PDGFC: variants seen among roughly 807,000 people sequenced by gnomAD.
The protein encoded by PDGFC is platelet derived growth factor C.
A neutral mutation model predicts 35.5 loss-of-function variants in PDGFC; 12 were observed. That is an observed-to-expected ratio of 0.34 (90% CI 0.22 to 0.55). The LOEUF (loss-of-function observed/expected upper bound fraction) is 0.55. Ranked by LOEUF, PDGFC falls within the 20% of genes least tolerant of loss-of-function variation. The pLI is 0.91. For synonymous variants in PDGFC, 159 were observed against 148.8 expected (o/e 1.07, Z -0.50); for missense variants, 322 against 412.4 (o/e 0.78, Z 1.90).
intron 3 of PDGFC, among the ~76,000 whole-genome samples, chr4:156,788,046 C>T (rs1731177606): frequency 1.3e-5 from 2 of 152,112 alleles, no homozygotes; most frequent in Non-Finnish European, 2.9e-5. Flanking sequence ...TAGAGAATGA[C>T]AACAGCATTT....
At chr4:156,887,957 C>T (rs1370286579) in intron 1 of PDGFC, among the ~76,000 whole-genome samples, 2 of 150,468 alleles carry the variant, frequency 1.3e-5, no homozygotes, top group Non-Finnish European at 3.0e-5. Context: ...GAGCTGAGAT[C>T]CTGCCACTGC....
chr4:156,893,327 C>T (rs555151054), intron 1 of PDGFC, among the ~76,000 whole-genome samples: 19 of 135,176 alleles, frequency 1.4e-4, no homozygotes, highest in Admixed American at 5.8e-4. Context: ...GTAAAAAATG[C>T]TCTAACTAGA....
intron 2 of PDGFC, chr4:156,842,088 T>A (rs1729218836): frequency 6.6e-6 from 1 of 152,212 alleles, no homozygotes; most frequent in Non-Finnish European, 1.5e-5. Context: ...CCATCTCTTC[T>A]ATAACAGAAT....
chr4:156,891,424 C>CACAAGATT (rs1291848551), intron 1 of PDGFC, among the ~76,000 whole-genome samples: 1 of 150,184 alleles, frequency 6.7e-6, no homozygotes, highest in Non-Finnish European at 1.5e-5. Flanking sequence ...CCTCTACACG[C>CACAAGATT]ACAAGATTTT....
rs369516564 is a variant in PDGFC at position 156,780,184 on chromosome 4, TA to T, written c.496-7292del. 6.9e-4 allele frequency among the ~76,000 whole-genome samples: 101 copies of T among 146,384 alleles called. 2 individuals are homozygous for T. The South Asian group carries it at 0.022, about 32-fold the overall frequency. On this transcript the variant is annotated intron_variant, in intron 3 of 5. Coordinates refer to ENST00000502773, the MANE Select transcript of PDGFC (RefSeq NM_016205.3). ...AAACAATGTGACAGGCCTTAAAAGC[TA>T]AAATAACGTCTATCAGTGGCAAGTG... is the stretch of plus-strand genomic sequence containing the variant.
At chr4:156,941,776 T>C (rs1731812431) in intron 1 of PDGFC, among the ~76,000 whole-genome samples, 1 of 152,118 alleles carries the variant, frequency 6.6e-6, no homozygotes, top group Non-Finnish European at 1.5e-5. Flanking sequence ...AGATACCATA[T>C]ATTCGTTGAA....
chr4:156,790,953 T>C lies in PDGFC; in HGVS notation c.496-18060A>G, dbSNP rs182352830. Among the ~76,000 whole-genome samples, 26 of 152,288 alleles carry C rather than the reference T, an allele frequency of 1.7e-4. No homozygotes were observed. The East Asian group carries it at 5.0e-3, about 29-fold the overall frequency. On this transcript the variant is annotated intron_variant, in intron 3 of 5. Coordinates refer to ENST00000502773, the MANE Select transcript of PDGFC (RefSeq NM_016205.3). The stretch of plus-strand genomic sequence containing the variant: ...TTGCATTTTACATCCTACATTGGCA[T>C]CAATTTCACATCTTGAAGGTGCCAA...
chr4:156,885,515 G>A (rs1423899640), intron 1 of PDGFC, among the ~76,000 whole-genome samples: 2 of 152,024 alleles, frequency 1.3e-5, no homozygotes, highest in African/African-American at 4.8e-5. Context: ...AAATATCAAT[G>A]TCTATAACAA....
intron 1 of PDGFC, among the ~76,000 whole-genome samples, chr4:156,925,729 G>C (rs114068952): frequency 2.8e-5 from 4 of 144,626 alleles, no homozygotes; most frequent in African/African-American, 1.0e-4. Flanking sequence ...GTGTCCTAGA[G>C]GCAGTATTAT....
chr4:156,951,038 T>C (rs1732067936), intron 1 of PDGFC, among the ~76,000 whole-genome samples: 1 of 151,884 alleles, frequency 6.6e-6, no homozygotes, highest in Non-Finnish European at 1.5e-5. Flanking sequence ...CCTCACTGTA[T>C]TTTTATCTCC....
chr4:156,935,650 T>C (rs904121852), intron 1 of PDGFC, among the ~76,000 whole-genome samples: 2 of 152,190 alleles, frequency 1.3e-5, no homozygotes, highest in African/African-American at 4.8e-5. Context: ...TTAAATAAGA[T>C]GTCTTTATAC....
chr4:156,872,079 A>G (rs960178277), intron 1 of PDGFC, among the ~76,000 whole-genome samples: 1 of 152,196 alleles, frequency 6.6e-6, no homozygotes, highest in Non-Finnish European at 1.5e-5. Context: ...ACTATACACA[A>G]TGGAAGACGA....
intron 3 of PDGFC, among the ~76,000 whole-genome samples, chr4:156,793,534 C>CAT (rs66571528): frequency 0.17 from 22,527 of 130,260 alleles, 1,775 homozygotes; most frequent in Non-Finnish European, 0.21. Context: ...GAATTATGTG[C>CAT]ATATATATAT....
At chr4:156,768,491 A>G (rs1183916232) in intron 4 of PDGFC, among the ~76,000 whole-genome samples, 1 of 152,048 alleles carries the variant, frequency 6.6e-6, no homozygotes, top group Non-Finnish European at 1.5e-5. Context: ...CTATGGCAAT[A>G]ACCATCATAA....
intron 1 of PDGFC, among the ~76,000 whole-genome samples, chr4:156,877,072 C>T (rs1730132429): frequency 6.6e-6 from 1 of 151,990 alleles, no homozygotes; most frequent in Non-Finnish European, 1.5e-5. Flanking sequence ...AGCTTCTACA[C>T]ACCTTTCTGT....
intron 1 of PDGFC, among the ~76,000 whole-genome samples, chr4:156,922,420 T>C (rs1731307934): frequency 6.6e-6 from 1 of 152,188 alleles, no homozygotes; most frequent in South Asian, 2.1e-4. Flanking sequence ...AGCTCCAGCT[T>C]ACAAGTTTTA....
chr4:156,865,186 G>GCACACACACACACACA (rs34323245), intron 1 of PDGFC, among the ~76,000 whole-genome samples: 48 of 146,758 alleles, frequency 3.3e-4, no homozygotes, highest in African/African-American at 1.1e-3. Context: ...AGATACATGT[G>GCACACACACACACACA]CACACACACA....
intron 1 of PDGFC, among the ~76,000 whole-genome samples, chr4:156,942,636 A>C (rs1206034772): frequency 6.7e-6 from 1 of 149,788 alleles, no homozygotes; most frequent in Non-Finnish European, 1.5e-5. Flanking sequence ...TAAAACAGAC[A>C]AAAAAAATAC....
At chr4:156,815,847 A>G (rs1220411842) in intron 2 of PDGFC, among the ~76,000 whole-genome samples, 1 of 152,178 alleles carries the variant, frequency 6.6e-6, no homozygotes, top group East Asian at 1.9e-4. Flanking sequence ...CCAATCAAAC[A>G]TCACTTTCTC....
Sources: gnomAD v4.1 joint callset for allele counts (sites outside exome capture counted in the v4.1 genomes callset) on GRCh38, gnomAD v4.1.1 for gene constraint, MANE v1.5 for transcripts, NCBI Gene and HGNC (gene_info 2026-07-23, HGNC 2026-07-21) for gene names.